TMEM164: variants seen among roughly 807,000 people sequenced by gnomAD.
TMEM164 encodes the protein RP13-360B22.2.
Under a neutral mutation model 18.8 loss-of-function variants are expected in TMEM164, and 4 were observed. The ratio of observed to expected loss-of-function variants is 0.21; its 90% CI spans 0.10 to 0.49. The LOEUF is 0.49. TMEM164 is among the 20% of genes least tolerant of loss of function. The pLI is 0.98. For missense variants in TMEM164, 108 were observed against 239.9 expected (o/e 0.45, Z 3.63); for synonymous variants, 86 against 101.7 (o/e 0.85, Z 0.93).
chrX:110,089,581 C>T (rs951008676), intron 3 of TMEM164, among the ~76,000 whole-genome samples: 2 of 112,417 alleles, frequency 1.8e-5, no homozygotes, highest in East Asian at 5.6e-4. Flanking sequence ...GTATTCTTAA[C>T]ATGATTTCTG....
chrX:110,072,000 G>A (rs1010248789), intron 3 of TMEM164, among the ~76,000 whole-genome samples: 16 of 110,187 alleles, frequency 1.5e-4, no homozygotes, highest in African/African-American at 4.6e-4. Context: ...TTTAACTACC[G>A]TTAGAAATTA....
At chrX:110,041,689 C>T (rs950137754) in intron 2 of TMEM164, among the ~76,000 whole-genome samples, 1 of 111,943 alleles carries the variant, frequency 8.9e-6, no homozygotes, top group Admixed American at 9.5e-5. Flanking sequence ...ATTGTTGTAA[C>T]GAACAAACGA....
intron 3 of TMEM164, among the ~76,000 whole-genome samples, chrX:110,081,950 G>A (rs1602587096): frequency 8.9e-6 from 1 of 112,441 alleles, no homozygotes; most frequent in African/African-American, 3.2e-5. Flanking sequence ...CCACTGGGGT[G>A]GAGAAGGGAC....
At chrX:110,013,134 T>C (rs1237896687) in intron 2 of TMEM164, among the ~76,000 whole-genome samples, 4 of 112,262 alleles carry the variant, frequency 3.6e-5, no homozygotes, top group Non-Finnish European at 7.5e-5. Context: ...AGTCTCCTCA[T>C]GTCCATCACA....
chrX:110,072,793 A>G (rs575295056), intron 3 of TMEM164, among the ~76,000 whole-genome samples: 215 of 108,913 alleles, frequency 2.0e-3, no homozygotes, highest in Middle Eastern at 4.7e-3. Flanking sequence ...TCTCAAGCAC[A>G]AGGACAAGTA....
intron 2 of TMEM164, among the ~76,000 whole-genome samples, chrX:110,010,939 C>T (rs982796441): frequency 6.3e-5 from 7 of 111,759 alleles, no homozygotes; most frequent in Admixed American, 1.9e-4. Context: ...TATATCCCCC[C>T]GCTTTCCAGT....
intron 2 of TMEM164, among the ~76,000 whole-genome samples, chrX:110,035,854 T>C (rs1040955215): frequency 2.7e-5 from 3 of 110,171 alleles, no homozygotes; most frequent in African/African-American, 1.0e-4. Flanking sequence ...ATTTTGTAGG[T>C]CACTTTCCTT....
At chrX:110,066,632 G>C (rs189013540) in intron 2 of TMEM164, among the ~76,000 whole-genome samples, 83 of 112,245 alleles carry the variant, frequency 7.4e-4, no homozygotes, top group African/African-American at 2.6e-3. Flanking sequence ...ACCACTGCAT[G>C]GGGGAAGGTC....
chrX:110,017,631 A>G (rs1238274428), intron 2 of TMEM164, among the ~76,000 whole-genome samples: 1 of 95,611 alleles, frequency 1.0e-5, no homozygotes, highest in East Asian at 3.2e-4. Flanking sequence ...GTACAATGGC[A>G]TGATCTTGGC....
intron 3 of TMEM164, among the ~76,000 whole-genome samples, chrX:110,105,619 G>A (rs2066177662): frequency 1.9e-5 from 2 of 106,663 alleles, no homozygotes; most frequent in Admixed American, 2.1e-4. Flanking sequence ...TGCCCCATTG[G>A]CACGCAAGAA....
intron 2 of TMEM164, among the ~76,000 whole-genome samples, chrX:110,012,442 G>A (rs1007684987): frequency 8.9e-6 from 1 of 112,019 alleles, no homozygotes; most frequent in Admixed American, 9.4e-5. Context: ...GTCAGGGAGA[G>A]GATGAGTTTT....
chrX:110,054,355 A>G (rs1332038470), intron 2 of TMEM164, among the ~76,000 whole-genome samples: 2 of 112,303 alleles, frequency 1.8e-5, no homozygotes, highest in African/African-American at 6.5e-5. Flanking sequence ...TGATTAGTGT[A>G]TAAGTACCAA....
At chrX:110,105,107 C>T (rs770827806) in intron 3 of TMEM164, among the ~76,000 whole-genome samples, 1 of 108,469 alleles carries the variant, frequency 9.2e-6, no homozygotes, top group African/African-American at 3.4e-5. Flanking sequence ...TCCTGTCCTT[C>T]CTTCACTCCT....
intron 2 of TMEM164, among the ~76,000 whole-genome samples, chrX:110,066,587 G>T (rs1936349887): frequency 8.9e-6 from 1 of 112,279 alleles, no homozygotes; most frequent in Admixed American, 9.4e-5. Flanking sequence ...TACAAGCTCT[G>T]CATAGGACTT....
chrX:110,021,080 G>T (rs1933812132), intron 2 of TMEM164, among the ~76,000 whole-genome samples: 1 of 109,322 alleles, frequency 9.1e-6, no homozygotes, highest in African/African-American at 3.3e-5. Context: ...ACTTACTCCT[G>T]AGTGATTAGG....
chrX:110,068,653 A>T (rs1326142560), intron 3 of TMEM164, among the ~76,000 whole-genome samples: 1 of 111,871 alleles, frequency 8.9e-6, no homozygotes, highest in African/African-American at 3.2e-5. Context: ...AACTTGGTTT[A>T]TTGATACATT....
chrX:110,168,449 G>A (rs889952540), intron 5 of TMEM164, among the ~76,000 whole-genome samples: 1 of 112,641 alleles, frequency 8.9e-6, no homozygotes, highest in African/African-American at 3.2e-5. Flanking sequence ...CAACAGGAGC[G>A]TTGAGCTCCC....
chrX:110,157,559 G>C (rs1188426078), intron 5 of TMEM164, among the ~76,000 whole-genome samples: 1 of 111,617 alleles, frequency 9.0e-6, no homozygotes, highest in Admixed American at 9.5e-5. Flanking sequence ...GAAGGTACCA[G>C]AGAGAAAGGG....
chrX:110,108,969 C>A, intron 3 of TMEM164, 111 bp from the exon 4 acceptor site: 1 of 682,074 alleles, frequency 1.5e-6, no homozygotes, highest in Non-Finnish European at 2.3e-6. Context: ...CAGAGAGCAA[C>A]TTGTATACAT....
Sources: allele counts gnomAD v4.1 joint callset (sites outside exome capture counted in the v4.1 genomes callset), GRCh38; gene constraint gnomAD v4.1.1; transcripts MANE v1.5; gene names NCBI Gene and HGNC (gene_info 2026-07-23, HGNC 2026-07-21).